Variants in KCNQ2 observed in about 807,000 individuals in gnomAD.
KCNQ2 encodes the protein potassium voltage-gated channel subfamily Q member 2.
Under a neutral mutation model 84.8 loss-of-function variants are expected in KCNQ2, and 14 were observed. The observed-to-expected ratio is 0.17, with a 90% confidence interval of 0.11 to 0.26. The LOEUF (loss-of-function observed/expected upper bound fraction) is 0.26, where lower values mean the gene tolerates loss of function less well. Among genes scored for constraint, KCNQ2 ranks in the 10% least tolerant of loss-of-function variants. KCNQ2 has a pLI of 1.00. For missense variants in KCNQ2, 788 were observed against 1,254.0 expected (o/e 0.63, Z 5.61); for synonymous variants, 599 against 554.1 (o/e 1.08, Z -1.14).
Position 63,401,230 on chromosome 20 carries a change from G to T in KCNQ2, c.*5414C>A. On this transcript the variant is annotated 3_prime_UTR_variant, in exon 17 of 17. Transcript: ENST00000359125. The stretch of plus-strand genomic sequence containing the variant: ...CCTCCATCCCAAATGGTCCCCTCCC[G>T]TCTCTCCTCCTCCACCGTTGCCCAC... The T allele has an allele frequency of 5.0e-6, 1 of 201,498 alleles. No individual in the cohort carries two copies. The highest frequency in any genetic ancestry group is 9.9e-6 in the Non-Finnish European group (1 of 100,982). The allele number at this position is 201,498 out of a possible 1,614,324, so 12.5% of individuals were successfully genotyped here.
intron 8 of KCNQ2, 135 bp downstream of exon 8, chr20:63,433,674 G>A (rs1235273194): frequency 6.5e-7 from 1 of 1,537,920 alleles, no homozygotes; most frequent in Non-Finnish European, 8.9e-7. Flanking sequence ...ACCACACACA[G>A]AACTCCTTTG....
chr20:63,466,545 AAGG>A (rs2082087895), intron 1 of KCNQ2: 1 of 152,250 alleles, frequency 6.6e-6, no homozygotes, highest in African/African-American at 2.4e-5. Flanking sequence ...CACTCTGCTG[AAGG>A]AGCCTCACGG....
intron 1 of KCNQ2, among the ~76,000 whole-genome samples, chr20:63,453,330 C>T (rs927153356): frequency 2.0e-5 from 3 of 152,382 alleles, no homozygotes; most frequent in Admixed American, 1.3e-4. Context: ...CAGGCAGGGG[C>T]GCTGGCAGTG....
chr20:63,442,257 C>T, intron 5 of KCNQ2, 149 bp downstream of exon 5: 1 of 1,159,382 alleles, frequency 8.6e-7, no homozygotes, highest in Admixed American at 1.7e-5. Flanking sequence ...ACCACCCCGC[C>T]TCGACCACAA....
At chr20:63,432,626 C>T (rs2080851277) in intron 8 of KCNQ2, among the ~76,000 whole-genome samples, 1 of 148,742 alleles carries the variant, frequency 6.7e-6, no homozygotes, top group Admixed American at 6.7e-5. Context: ...AAGGCTCCAC[C>T]CTCTGGGAAG....
At chr20:63,434,210 T>G in intron 7 of KCNQ2, 3 of 414,830 alleles carry the variant, frequency 7.2e-6, no homozygotes, top group Non-Finnish European at 8.6e-6. Flanking sequence ...TCATGACTCT[T>G]ACCTGGCCCC....
At chr20:63,443,262 CCATCAT>C (rs1428447640) in intron 4 of KCNQ2, among the ~76,000 whole-genome samples, 1 of 27,006 alleles carries the variant, frequency 3.7e-5, no homozygotes, top group Non-Finnish European at 8.0e-5. Flanking sequence ...ACCATCGCCA[CCATCAT>C]CACCACCATC....
At position 63,403,678 on chromosome 20, in the gene KCNQ2, G is replaced by T. The variant is rs969018299; in HGVS notation, c.*2966C>A. ...TACTGTGCATGGTCTATACAGGTGTGGTCAGTGCACATGTGTGCTATGTGG... is the reference window on the plus strand; with the variant it reads ...TACTGTGCATGGTCTATACAGGTGTTGTCAGTGCACATGTGTGCTATGTGG... On this transcript the variant is annotated 3_prime_UTR_variant, in exon 17 of 17. Transcript: ENST00000359125. 4 of 152,288 alleles carry T rather than the reference G, an allele frequency of 2.6e-5. No homozygotes were observed. The highest frequency in any genetic ancestry group is 4.4e-5 in the Non-Finnish European group (3 of 68,090). The allele number at this position is 152,288 out of a possible 1,614,324, so 9.4% of individuals were successfully genotyped here. A position where few individuals can be genotyped will look rare whatever the true frequency, so the allele number is the denominator to read the frequency against.
In KCNQ2 at chr20:63,446,919, T is replaced by A; in HGVS notation, c.297-82A>T. ...GTGTCTCCAGAACTCAGGACCCCAC[T>A]CCCCACCAGGCCGCAGCAGGGCACC... On this transcript the variant is annotated intron_variant, in intron 1 of 16. Coordinates refer to ENST00000359125, the MANE Select transcript of KCNQ2 (RefSeq NM_172107.4). The surrounding 1 kb of genome is among the most constrained non-coding windows in gnomAD (Gnocchi z 5.5). 8.1e-7 allele frequency: 1 copy of A among 1,233,142 alleles called. No individual in the cohort carries two copies. The highest frequency in any genetic ancestry group is 1.2e-6 in the Non-Finnish European group (1 of 834,830). 76.4% of individuals were successfully genotyped at this position (1,233,142 alleles called of 1,614,324 possible). A position where few individuals can be genotyped will look rare whatever the true frequency, so the allele number is the denominator to read the frequency against.
At chr20:63,424,366 A>G (rs2080566802) in intron 10 of KCNQ2, 160 bp from the exon 11 acceptor site, 2 of 804,470 alleles carry the variant, frequency 2.5e-6, no homozygotes, top group Admixed American at 2.3e-5. Flanking sequence ...CCCACCCCAG[A>G]GAGCCCACGG....
intron 11 of KCNQ2, chr20:63,423,660 G>C (rs1401677477): frequency 6.5e-6 from 1 of 154,326 alleles, no homozygotes; most frequent in African/African-American, 2.4e-5. Flanking sequence ...CTCCACCCAG[G>C]GGCGTGAGAC....
At chr20:63,443,132 CCAT>C (rs1184758281) in intron 4 of KCNQ2, among the ~76,000 whole-genome samples, 13 of 96,270 alleles carry the variant, frequency 1.4e-4, no homozygotes, top group Non-Finnish European at 1.7e-4. Context: ...ACCACCACCA[CCAT>C]CATCACCACC....
At position 63,408,114 on chromosome 20, in the gene KCNQ2, G is replaced by A. The variant is rs997571186; in HGVS notation, c.1887+299C>T. On this transcript the variant is annotated intron_variant, in intron 16 of 16. Transcript: ENST00000359125. The surrounding 1 kb of genome is among the most constrained non-coding windows in gnomAD (Gnocchi z 5.0). ...GGAAGGCCAGGCAGGTACAACTTCCGGCACGTTCCACAAGGAACCCCTGAG... is the reference window on the plus strand; with the variant it reads ...GGAAGGCCAGGCAGGTACAACTTCCAGCACGTTCCACAAGGAACCCCTGAG... 1.4e-5 allele frequency: 6 copies of A among 422,568 alleles called. No homozygotes were observed. The highest frequency in any genetic ancestry group is 4.8e-5 in the East Asian group (1 of 20,866). 26.2% of individuals were successfully genotyped at this position (422,568 alleles called of 1,614,324 possible).
At position 63,400,692 on chromosome 20, in the gene KCNQ2, T is replaced by TGGCGTGG. The variant is rs2079791171; in HGVS notation, c.*5945_*5951dup. 1 of 398,460 alleles carries TGGCGTGG rather than the reference T, an allele frequency of 2.5e-6. No individual in the cohort carries two copies. Among genetic ancestry groups the TGGCGTGG allele is most frequent in the South Asian group, 1.3e-4 (1 of 7,874 alleles). The allele number at this position is 398,460 out of a possible 1,614,324, so 24.7% of individuals were successfully genotyped here. A position where few individuals can be genotyped will look rare whatever the true frequency, so the allele number is the denominator to read the frequency against. On this transcript the variant is annotated 3_prime_UTR_variant, in exon 17 of 17. Coordinates refer to ENST00000359125, the MANE Select transcript of KCNQ2 (RefSeq NM_172107.4). This position sits in a 1 kb window ranked among gnomAD's most constrained non-coding sequence, Gnocchi z 8.7. The stretch of plus-strand genomic sequence containing the variant: ...ACGGCCAGAGGATGGCAGACTGCAA[T>TGGCGTGG]GGCGTGGGGCGCGGGCATGGCGGGC...
At chr20:63,410,770 G>A (rs1265433030) in intron 15 of KCNQ2, among the ~76,000 whole-genome samples, 5 of 152,222 alleles carry the variant, frequency 3.3e-5, no homozygotes, top group African/African-American at 7.2e-5. Context: ...CACCCCAGAC[G>A]CCGTCCCCAC....
Position 63,446,415 on chromosome 20 carries a change from G to A in KCNQ2, c.387+332C>T, listed in dbSNP as rs2081427619. ...ACGCCCACGTCTGCCGTCTGCTGGG[G>A]ACGCCCCACATCTCCGGCTCCAGAG... On this transcript the variant is annotated intron_variant, in intron 2 of 16. Transcript: ENST00000359125. This position sits in a 1 kb window ranked among gnomAD's most constrained non-coding sequence, Gnocchi z 5.5. Among the ~76,000 whole-genome samples, 2 of 152,178 alleles carry A rather than the reference G, an allele frequency of 1.3e-5. No homozygotes were observed. The highest frequency in any genetic ancestry group is 2.9e-5 in the Non-Finnish European group (2 of 68,022).
At chr20:63,413,727 A>C (rs2145544284) in intron 14 of KCNQ2, 146 bp from the exon 15 acceptor site, 1 of 949,954 alleles carries the variant, frequency 1.1e-6, no homozygotes, top group Middle Eastern at 3.3e-4. Context: ...CTCCACACAC[A>C]GAAGGGCCTT....
At chr20:63,464,047 A>T (rs1379604814) in intron 1 of KCNQ2, among the ~76,000 whole-genome samples, 1 of 152,166 alleles carries the variant, frequency 6.6e-6, no homozygotes, top group East Asian at 1.9e-4. Flanking sequence ...CATTCCCAGC[A>T]ACCCAAAAAA....
At chr20:63,448,431 G>C (rs566199897) in intron 1 of KCNQ2, 1 of 152,274 alleles carries the variant, frequency 6.6e-6, no homozygotes, top group African/African-American at 2.4e-5. Context: ...CAGAGCAGCC[G>C]CTTCCCCGTG....
Sources: gnomAD v4.1 joint callset for allele counts (sites outside exome capture counted in the v4.1 genomes callset) on GRCh38, gnomAD v4.1.1 for gene constraint, Gnocchi (gnomAD v3.1) non-coding constraint, MANE v1.5 for transcripts, NCBI Gene and HGNC (gene_info 2026-07-23, HGNC 2026-07-21) for gene names.